KIF13A: variants seen among roughly 807,000 people sequenced by gnomAD.
KIF13A encodes kinesin-like protein KIF13A.
KIF13A carries 79 observed loss-of-function variants against 212.2 expected under a neutral mutation model. That is an observed-to-expected ratio of 0.37 (90% confidence interval 0.31 to 0.45). KIF13A has a LOEUF of 0.45. Among genes scored for constraint, KIF13A ranks in the 20% least tolerant of loss-of-function variants. KIF13A has a pLI of 1.00. For missense variants in KIF13A, 1,901 were observed against 2,209.0 expected, an observed-to-expected ratio of 0.86 and a Z score of 2.79; for synonymous variants, 789 against 808.6, an observed-to-expected ratio of 0.98 and a Z score of 0.41.
chr6:17,863,854 T>C (rs1474561367), intron 4 of KIF13A, among the ~76,000 whole-genome samples: 1 of 152,214 alleles, frequency 6.6e-6, no homozygotes, highest in Non-Finnish European at 1.5e-5. Context: ...AACAGTCCCT[T>C]TTCTCAGCAT....
intron 22 of KIF13A, among the ~76,000 whole-genome samples, chr6:17,798,816 ACATTAGAATGTAATGCTATATT>A (rs1456614373): frequency 2.6e-5 from 4 of 152,350 alleles, no homozygotes; most frequent in Non-Finnish European, 5.9e-5. Context: ...CTCATATGAT[ACATTAGAATGTAATGCTATATT>A]CATAAGAATC....
chr6:17,813,594 C>T (rs10456809), intron 17 of KIF13A, among the ~76,000 whole-genome samples: 65,382 of 151,952 alleles, frequency 0.43, 14,232 homozygotes, highest in South Asian at 0.47. Context: ...CTCTTCTCTT[C>T]ATTTAACATT....
intron 9 of KIF13A, among the ~76,000 whole-genome samples, chr6:17,841,713 A>C (rs961963436): frequency 2.6e-5 from 4 of 152,106 alleles, no homozygotes; most frequent in Non-Finnish European, 4.4e-5. Context: ...CTCTATCTAA[A>C]TCTATTACCA....
intron 2 of KIF13A, among the ~76,000 whole-genome samples, chr6:17,956,397 T>C (rs1778358633): frequency 6.6e-6 from 1 of 152,212 alleles, no homozygotes. Flanking sequence ...AAGTGCCACC[T>C]GTTTGTGGTC....
intron 9 of KIF13A, among the ~76,000 whole-genome samples, chr6:17,844,408 C>T (rs921587145): frequency 6.6e-6 from 1 of 152,108 alleles, no homozygotes; most frequent in African/African-American, 2.4e-5. Context: ...CTTTATTGTT[C>T]TAGGGATCTT....
chr6:17,779,742 A>AT (rs377678460), intron 31 of KIF13A, 58 bp from the exon 32 acceptor site: 19,402 of 457,594 alleles, frequency 0.042, 146 homozygotes, highest in South Asian at 0.048. Context: ...GTTATTTTGT[A>AT]TTTTTTTTTT....
chr6:17,776,028 G>A lies in KIF13A; in HGVS notation c.4171-966C>T, dbSNP rs1759948539. ...CGAGTAGCTGGGATTACAGGCACCTGCCACGATGCCCAGCTAATTTTGTAT... is the reference window on the plus strand; with the variant it reads ...CGAGTAGCTGGGATTACAGGCACCTACCACGATGCCCAGCTAATTTTGTAT... On this transcript the variant is annotated intron_variant, in intron 34 of 38. Transcript: ENST00000259711. This position sits in a 1 kb window ranked among gnomAD's most constrained non-coding sequence, Gnocchi z 4.6. Among the ~76,000 whole-genome samples the A allele has an allele frequency of 6.6e-6, 1 of 151,960 alleles. No homozygotes were observed. The highest frequency in any genetic ancestry group is 1.5e-5 in the Non-Finnish European group (1 of 67,994).
intron 22 of KIF13A, among the ~76,000 whole-genome samples, chr6:17,797,307 G>A (rs905701812): frequency 2.0e-5 from 3 of 152,128 alleles, no homozygotes; most frequent in South Asian, 2.1e-4. Context: ...GGGATTACAG[G>A]TGTGAGCCAC....
At chr6:17,817,432 A>G (rs950519131) in intron 16 of KIF13A, among the ~76,000 whole-genome samples, 199 bp from the exon 17 acceptor site, 7 of 152,214 alleles carry the variant, frequency 4.6e-5, no homozygotes, top group African/African-American at 9.6e-5. Flanking sequence ...AATGCCCTTT[A>G]TAAGTATACA....
At chr6:17,863,514 C>T (rs188079009) in intron 4 of KIF13A, among the ~76,000 whole-genome samples, 1 of 151,980 alleles carries the variant, frequency 6.6e-6, no homozygotes, top group East Asian at 1.9e-4. Flanking sequence ...TGTGTGAACT[C>T]GTGGCCGGAG....
chr6:17,775,410 T>A (rs539894403), intron 34 of KIF13A, among the ~76,000 whole-genome samples: 39 of 152,310 alleles, frequency 2.6e-4, no homozygotes, highest in African/African-American at 7.9e-4. Flanking sequence ...ATACAACCTG[T>A]ATATTTATGA....
At chr6:17,890,326 C>T (rs780790553) in intron 3 of KIF13A, among the ~76,000 whole-genome samples, 17 of 151,884 alleles carry the variant, frequency 1.1e-4, no homozygotes, top group Non-Finnish European at 2.1e-4. Flanking sequence ...GTGTGTGTTT[C>T]AATGTGGCTC....
At chr6:17,924,337 A>C (rs1775319244) in intron 2 of KIF13A, among the ~76,000 whole-genome samples, 1 of 152,212 alleles carries the variant, frequency 6.6e-6, no homozygotes, top group Non-Finnish European at 1.5e-5. Context: ...TTTCTGAACA[A>C]TCTCTAGTCG....
At chr6:17,814,249 CTTTTTTT>C (rs34056148) in intron 17 of KIF13A, among the ~76,000 whole-genome samples, 1 of 89,560 alleles carries the variant, frequency 1.1e-5, no homozygotes, top group Non-Finnish European at 2.0e-5. Context: ...CAGTGCCCGG[CTTTTTTT>C]TTTTTTTTTT....
intron 4 of KIF13A, among the ~76,000 whole-genome samples, chr6:17,865,494 G>A (rs1018243065): frequency 1.3e-5 from 2 of 152,164 alleles, no homozygotes; most frequent in Non-Finnish European, 2.9e-5. Context: ...CCTGGACAGC[G>A]CAAGACCAGA....
intron 2 of KIF13A, among the ~76,000 whole-genome samples, chr6:17,910,090 T>TA (rs1773905261): frequency 6.6e-6 from 1 of 152,182 alleles, no homozygotes; most frequent in Non-Finnish European, 1.5e-5. Context: ...TAAGGTACAA[T>TA]ACAGCTCCAT....
rs192020749 is a variant in KIF13A at position 17,933,975 on chromosome 6, T to C, written c.147-35795A>G. On this transcript the variant is annotated intron_variant, in intron 2 of 38. Coordinates refer to ENST00000259711, the MANE Select transcript of KIF13A (RefSeq NM_022113.6). Reference sequence around the variant, plus strand: ...ATCTTATTACAATGCAATGTAACTATGGAAACATAGGATTTCAAGTTATAT... The same window carrying C: ...ATCTTATTACAATGCAATGTAACTACGGAAACATAGGATTTCAAGTTATAT... 4.3e-3 allele frequency among the ~76,000 whole-genome samples: 658 copies of C among 152,336 alleles called. 5 individuals carry two copies. The highest frequency in any genetic ancestry group is 6.8e-3 in the Middle Eastern group (2 of 294).
In KIF13A at chr6:17,824,464, A is replaced by G. The variant is rs189502304; in HGVS notation, c.1786+1304T>C. Among the ~76,000 whole-genome samples, 737 of 152,252 alleles carry G rather than the reference A, an allele frequency of 4.8e-3. 6 individuals are homozygous for G. Among genetic ancestry groups the G allele is most frequent in the African/African-American group, 0.017 (707 of 41,560 alleles). On this transcript the variant is annotated intron_variant, in intron 16 of 38. Coordinates refer to ENST00000259711, the MANE Select transcript of KIF13A (RefSeq NM_022113.6). ...GTTTAAGGGAAGAGCTCAACTGTGA[A>G]AAACAAAATGCTCGGCTGGGCGTGG...
At position 17,838,187 on chromosome 6, in the gene KIF13A, G is replaced by A. The variant is rs1766156180; in HGVS notation, c.831-604C>T. Among the ~76,000 whole-genome samples, 1 of 151,746 alleles carries A rather than the reference G, an allele frequency of 6.6e-6. No individual in the cohort carries two copies. Among genetic ancestry groups the A allele is most frequent in the Non-Finnish European group, 1.5e-5 (1 of 67,968 alleles). ...AAATACAAAAATTGCCAGGCGTGGC[G>A]GCGTGTGCCTATAGTCCCAGCTACT... On this transcript the variant is annotated intron_variant, in intron 9 of 38. Coordinates refer to ENST00000259711, the MANE Select transcript of KIF13A (RefSeq NM_022113.6). This position sits in a 1 kb window ranked among gnomAD's most constrained non-coding sequence, Gnocchi z 4.2.
Sources: allele counts gnomAD v4.1 joint callset (sites outside exome capture counted in the v4.1 genomes callset), GRCh38; gene constraint gnomAD v4.1.1; non-coding constraint Gnocchi (gnomAD v3.1); transcripts MANE v1.5; gene names NCBI Gene and HGNC (gene_info 2026-07-23, HGNC 2026-07-21).